The following CSE1L variants were observed in gnomAD, a reference collection of about 807,000 sequenced individuals.
CSE1L encodes the protein exportin-2.
CSE1L carries 24 observed loss-of-function variants against 120.4 expected under a neutral mutation model. The observed-to-expected ratio is 0.20, with a 90% confidence interval of 0.14 to 0.28. The LOEUF (loss-of-function observed/expected upper bound fraction) is 0.28, where lower values mean the gene tolerates loss of function less well. Ranked by LOEUF, CSE1L falls within the 10% of genes least tolerant of loss-of-function variation. The pLI is 1.00. For missense variants in CSE1L, 830 were observed against 1,145.2 expected (o/e 0.72, Z 3.97); for synonymous variants, 402 against 398.3 (o/e 1.01, Z -0.11).
Position 49,076,872 on chromosome 20 carries a change from G to A in CSE1L, c.1336-108G>A, listed in dbSNP as rs577778235. 2.5e-4 allele frequency: 155 copies of A among 625,556 alleles called. 1 individual carries two copies. The South Asian group carries it at 3.2e-3, about 13-fold the overall frequency. The allele number at this position is 625,556 out of a possible 1,614,324, so 38.8% of individuals were successfully genotyped here. A position where few individuals can be genotyped will look rare whatever the true frequency, so the allele number is the denominator to read the frequency against. On this transcript the variant is annotated intron_variant, in intron 12 of 24. Transcript: ENST00000262982. Reference sequence around the variant, plus strand: ...ATACATAAGCAATTTGTATTTTGAAGTGTTCATCTCCATTTTAACATGGTT... The same window carrying A: ...ATACATAAGCAATTTGTATTTTGAAATGTTCATCTCCATTTTAACATGGTT...
rs113315451 is a variant in CSE1L, at chr20:49,061,486, A to ATTAT, written c.86-1685_86-1682dup. Among the ~76,000 whole-genome samples, 1,229 of 132,924 alleles carry ATTAT rather than the reference A, an allele frequency of 9.2e-3. 8 individuals carry two copies. Among genetic ancestry groups the ATTAT allele is most frequent in the African/African-American group, 0.014 (496 of 35,260 alleles). 87.2% of individuals were successfully genotyped at this position (132,924 alleles called of 152,430 possible). On this transcript the variant is annotated intron_variant, in intron 2 of 24. Transcript: ENST00000262982. ...CGTGCCCGGTGGAAAAATTATTATT[A>ATTAT]TTATTTATTTATTTATTTATTTATT...
intron 1 of CSE1L, among the ~76,000 whole-genome samples, chr20:49,056,454 T>G (rs1190875280): frequency 6.6e-6 from 1 of 152,228 alleles, no homozygotes; most frequent in Non-Finnish European, 1.5e-5. Context: ...TTTATCCATT[T>G]TAAGTGAACT....
At chr20:49,058,574 T>G in intron 2 of CSE1L, 26 bp downstream of exon 2, 1 of 1,578,330 alleles carries the variant, frequency 6.3e-7, no homozygotes, top group Non-Finnish European at 8.7e-7. Flanking sequence ...GTTTTTTGGT[T>G]GATTAATTCC....
chr20:49,067,004 C>T (rs896789940), intron 5 of CSE1L, among the ~76,000 whole-genome samples, 186 bp from the exon 6 acceptor site: 2 of 122,034 alleles, frequency 1.6e-5, no homozygotes, highest in Admixed American at 1.0e-4. Flanking sequence ...TGCACTCCAG[C>T]CTGGGCGACA....
rs76231507 is a variant in CSE1L, at chr20:49,059,469, A to G, written c.85+921A>G. ...TGATTAAGTGGCAAGTACTTTTTGGAACTAGCTAATTTTGGGGATTCAGAC... is the reference window on the plus strand; with the variant it reads ...TGATTAAGTGGCAAGTACTTTTTGGGACTAGCTAATTTTGGGGATTCAGAC... On this transcript the variant is annotated intron_variant, in intron 2 of 24. Coordinates refer to ENST00000262982, the MANE Select transcript of CSE1L (RefSeq NM_001316.4). Among the ~76,000 whole-genome samples the G allele has an allele frequency of 1.9e-3, 283 of 152,234 alleles. 1 individual carries two copies. Among genetic ancestry groups the G allele is most frequent in the African/African-American group, 5.9e-3 (246 of 41,534 alleles).
intron 21 of CSE1L, 139 bp downstream of exon 21, chr20:49,091,161 G>A: frequency 1.5e-6 from 1 of 655,560 alleles, no homozygotes; most frequent in Non-Finnish European, 2.6e-6. Flanking sequence ...GGAGGTTCAT[G>A]CCTGTAATCG....
intron 13 of CSE1L, 89 bp downstream of exon 13, chr20:49,077,153 CTTTT>C (rs11439721): frequency 3.5e-4 from 140 of 402,240 alleles, no homozygotes; most frequent in Middle Eastern, 6.7e-4. Context: ...CCCTTTTGTT[CTTTT>C]TTTTTTTTTT....
rs556913995 is a variant in CSE1L at position 49,057,924 on chromosome 20, G to C, written c.-11-529G>C. Among the ~76,000 whole-genome samples, 15 of 151,944 alleles carry C rather than the reference G, an allele frequency of 9.9e-5. No homozygotes were observed. In the East Asian group the frequency reaches 2.5e-3, roughly 26 times the overall value. ...TGGGATTACAGGCATGAGCCACCAT[G>C]CCCGGCTTCAATTTTTTTGTAGTTT... On this transcript the variant is annotated intron_variant, in intron 1 of 24. Coordinates refer to ENST00000262982, the MANE Select transcript of CSE1L (RefSeq NM_001316.4).
intron 14 of CSE1L, among the ~76,000 whole-genome samples, chr20:49,080,968 A>ATTGT (rs1464783997): frequency 6.8e-6 from 1 of 147,942 alleles, no homozygotes; most frequent in Admixed American, 6.7e-5. Context: ...TACTTAGTTT[A>ATTGT]TTGTTTCTTT....
chr20:49,089,244 C>A lies in CSE1L; in HGVS notation c.1822-3C>A. On this transcript the variant is annotated splice_polypyrimidine_tract_variant and splice_region_variant and intron_variant, in intron 17 of 24. Coordinates refer to ENST00000262982, the MANE Select transcript of CSE1L (RefSeq NM_001316.4). ...TAATTAGGTTTTTTTTTTTTAATTT[C>A]AGAACCCAAGCAAACCTCACTTTAA... 6.5e-7 allele frequency: 1 copy of A among 1,543,600 alleles called. No homozygotes were observed. Among genetic ancestry groups the A allele is most frequent in the African/African-American group, 1.4e-5 (1 of 70,894 alleles).
chr20:49,096,061 AC>A, intron 24 of CSE1L: 1 of 536,674 alleles, frequency 1.9e-6, no homozygotes, highest in Non-Finnish European at 3.4e-6. Flanking sequence ...TAGACATCAT[AC>A]GTTTCACGCG....
At chr20:49,061,418 C>T (rs56161477) in intron 2 of CSE1L, among the ~76,000 whole-genome samples, 8 of 151,616 alleles carry the variant, frequency 5.3e-5, no homozygotes, top group Non-Finnish European at 1.0e-4. Context: ...GTGATCCACC[C>T]GCCTCAGCCT....
At chr20:49,062,736 AAT>A (rs896056537) in intron 2 of CSE1L, among the ~76,000 whole-genome samples, 12 of 152,026 alleles carry the variant, frequency 7.9e-5, no homozygotes, top group African/African-American at 2.2e-4. Flanking sequence ...TTACATATAT[AAT>A]ATATATGTAA....
intron 14 of CSE1L, among the ~76,000 whole-genome samples, chr20:49,082,334 G>A (rs548309773): frequency 1.3e-5 from 2 of 151,872 alleles, no homozygotes; most frequent in South Asian, 4.2e-4. Flanking sequence ...GGTAGAGACA[G>A]GGTTTTGCCA....
intron 1 of CSE1L, among the ~76,000 whole-genome samples, chr20:49,053,850 G>A (rs1253600176): frequency 1.3e-5 from 2 of 151,912 alleles, no homozygotes; most frequent in East Asian, 1.9e-4. Flanking sequence ...CACCACGCCC[G>A]GCTAATTTTT....
At chr20:49,049,162 C>T (rs1011916939) in intron 1 of CSE1L, among the ~76,000 whole-genome samples, 9 of 151,868 alleles carry the variant, frequency 5.9e-5, no homozygotes, top group Admixed American at 2.6e-4. Flanking sequence ...AAGATAGTTA[C>T]GTGGAGAAAG....
intron 19 of CSE1L, 99 bp from the exon 20 acceptor site, chr20:49,090,643 T>G (rs2092093955): frequency 3.5e-6 from 3 of 864,158 alleles, no homozygotes; most frequent in Non-Finnish European, 5.8e-6. Flanking sequence ...AAGGATAGAT[T>G]ATTACAGTAT....
rs778904641 is a variant in CSE1L, at chr20:49,089,733, C to G, written c.2168C>G (p.Ala723Gly). Reference protein sequence around the residue: ...ERGSNTIASAAADKIPGLLGV... With the variant: ...ERGSNTIASAGADKIPGLLGV... ...GGTTCAAACACAATAGCAAGTGCTG[C>G]AGCTGACAAAATTGTGCGTCAGGTT... The change falls in exon 19 of 25, where the codon GCA becomes GGA. Residue 723 changes from alanine to glycine, a missense_variant. Ala to Gly is a moderately conservative substitution (Grantham distance 60, BLOSUM62 0). Around this residue, in one of 4 missense-constraint regions of CSE1L, gnomAD observed 168 missense variants for 267.9 expected, o/e 0.63. Transcript: ENST00000262982. The G allele has an allele frequency of 8.1e-6, 13 of 1,614,102 alleles. No homozygotes were observed. The highest frequency in any genetic ancestry group is 1.1e-5 in the Non-Finnish European group (13 of 1,179,958).
chr20:49,091,079 C>CTAAGGGTT, intron 21 of CSE1L, 57 bp downstream of exon 21: 2 of 1,158,612 alleles, frequency 1.7e-6, no homozygotes, highest in Non-Finnish European at 2.5e-6. Context: ...AGCTAAAACC[C>CTAAGGGTT]TTAGACTTTA....
Sources: allele counts gnomAD v4.1 joint callset (sites outside exome capture counted in the v4.1 genomes callset), GRCh38; gene constraint gnomAD v4.1.1; regional missense constraint gnomAD v4.1.1; transcripts MANE v1.5; gene names NCBI Gene and HGNC (gene_info 2026-07-23, HGNC 2026-07-21).